The following MFHAS1 variants were observed in gnomAD, a reference collection of about 807,000 sequenced individuals.
The protein encoded by MFHAS1 is malignant fibrous histiocytoma-amplified sequence 1.
A neutral mutation model predicts 70.4 loss-of-function variants in MFHAS1; 50 were observed. The ratio of observed to expected loss-of-function variants is 0.71; its 90% CI spans 0.57 to 0.90. MFHAS1 has a LOEUF of 0.90. Among genes scored for constraint, MFHAS1 ranks in the 40% least tolerant of loss-of-function variants. The probability of loss-of-function intolerance (pLI) is 0.00; values close to 1 mark genes in which losing one functional copy is unlikely to be tolerated. For missense variants in MFHAS1, 1,795 were observed against 1,347.6 expected, an observed-to-expected ratio of 1.33 and a Z score of -5.20; for synonymous variants, 952 against 620.0, an observed-to-expected ratio of 1.54 and a Z score of -7.96.
chr8:8,835,840 T>C lies in MFHAS1; in HGVS notation c.2999-38349A>G, dbSNP rs531635023. On this transcript the variant is annotated intron_variant, in intron 1 of 2. Coordinates refer to ENST00000276282, the MANE Select transcript of MFHAS1 (RefSeq NM_004225.3). Reference sequence around the variant, plus strand: ...ATTTAGAACAAAAGTTGGCAAAACATGGCCCGCTGCCTGTTCTTGTAAATA... The same window carrying C: ...ATTTAGAACAAAAGTTGGCAAAACACGGCCCGCTGCCTGTTCTTGTAAATA... 3.3e-5 allele frequency among the ~76,000 whole-genome samples: 5 copies of C among 152,332 alleles called. No individual in the cohort carries two copies. The South Asian group carries it at 1.0e-3, about 32-fold the overall frequency.
chr8:8,866,299 C>T (rs1358339343), intron 1 of MFHAS1, among the ~76,000 whole-genome samples: 2 of 151,290 alleles, frequency 1.3e-5, no homozygotes, highest in South Asian at 2.1e-4. Context: ...GGCAACTTAG[C>T]AAGGATCACT....
chr8:8,893,354 C>G lies in MFHAS1; in HGVS notation c.-296G>C, dbSNP rs1810176940. ...CCGCGCGCCGCGGAGGATGCCTGCT[C>G]CTCCTCCCTCTCCGCCCGCCGCGCG... On this transcript the variant is annotated 5_prime_UTR_variant, in exon 1 of 3. Transcript: ENST00000276282. 6.8e-6 allele frequency: 1 copy of G among 146,402 alleles called. No homozygotes were observed. Among genetic ancestry groups the G allele is most frequent in the Middle Eastern group, 3.5e-3 (1 of 286 alleles). The allele number at this position is 146,402 out of a possible 1,614,324, so 9.1% of individuals were successfully genotyped here. A position where few individuals can be genotyped will look rare whatever the true frequency, so the allele number is the denominator to read the frequency against.
chr8:8,837,743 G>A (rs752472348), intron 1 of MFHAS1, among the ~76,000 whole-genome samples: 3 of 151,940 alleles, frequency 2.0e-5, no homozygotes, highest in Non-Finnish European at 4.4e-5. Context: ...ACACCCATTA[G>A]GAGGGCTACT....
In MFHAS1 at chr8:8,826,840, C is replaced by T. The variant is rs544506396; in HGVS notation, c.2999-29349G>A. 6.9e-4 allele frequency among the ~76,000 whole-genome samples: 105 copies of T among 152,260 alleles called. 1 individual carries two copies. Among genetic ancestry groups the T allele is most frequent in the African/African-American group, 1.1e-3 (46 of 41,548 alleles). On this transcript the variant is annotated intron_variant, in intron 1 of 2. Transcript: ENST00000276282. ...CCATCAGAAATGCAGATGTGAGGTC[C>T]GGTACAGTGCAGCCATCTTGCTGCC...
chr8:8,826,247 A>AGTATGT (rs1807155857), intron 1 of MFHAS1, among the ~76,000 whole-genome samples: 1 of 147,774 alleles, frequency 6.8e-6, no homozygotes, highest in Admixed American at 6.7e-5. Context: ...AAACACAAAG[A>AGTATGT]GTGTGTGTGT....
intron 1 of MFHAS1, among the ~76,000 whole-genome samples, chr8:8,843,359 A>T (rs1303906626): frequency 6.6e-6 from 1 of 152,104 alleles, no homozygotes; most frequent in African/African-American, 2.4e-5. Flanking sequence ...TCAGGTGGGC[A>T]AATCACTTGA....
At chr8:8,846,481 G>T (rs867572382) in intron 1 of MFHAS1, among the ~76,000 whole-genome samples, 1 of 151,972 alleles carries the variant, frequency 6.6e-6, no homozygotes, top group Admixed American at 6.6e-5. Context: ...TTACCTCCCT[G>T]CCTTCACCCT....
chr8:8,885,798 C>A (rs1216662111), intron 1 of MFHAS1, among the ~76,000 whole-genome samples: 1 of 152,250 alleles, frequency 6.6e-6, no homozygotes, highest in Non-Finnish European at 1.5e-5. Flanking sequence ...CAACCTCCGC[C>A]TCCCAAGTTC....
chr8:8,790,521 A>T, intron 2 of MFHAS1: 2 of 311,444 alleles, frequency 6.4e-6, no homozygotes, highest in Non-Finnish European at 9.4e-6. Context: ...TAGCTTGTTA[A>T]AACAGCAAGG....
intron 1 of MFHAS1, among the ~76,000 whole-genome samples, chr8:8,821,023 G>C (rs1201455872): frequency 2.0e-5 from 3 of 152,188 alleles, no homozygotes; most frequent in East Asian, 1.9e-4. Flanking sequence ...CAACAGAGAT[G>C]ACAGCCTACG....
At chr8:8,882,208 C>T (rs1809552637) in intron 1 of MFHAS1, among the ~76,000 whole-genome samples, 1 of 151,864 alleles carries the variant, frequency 6.6e-6, no homozygotes, top group Non-Finnish European at 1.5e-5. Flanking sequence ...TAGTGAAACC[C>T]CCATCTCTAC....
chr8:8,889,950 T>C, intron 1 of MFHAS1, 111 bp downstream of exon 1: 1 of 901,552 alleles, frequency 1.1e-6, no homozygotes, highest in Non-Finnish European at 1.7e-6. Context: ...TACGAAGCTT[T>C]CCTGGAGAAC....
intron 1 of MFHAS1, chr8:8,822,137 T>C (rs1806979337): frequency 6.6e-6 from 1 of 151,992 alleles, no homozygotes; most frequent in African/African-American, 2.4e-5. Context: ...AATTCCTCTG[T>C]GCGGCAGCAC....
intron 2 of MFHAS1, among the ~76,000 whole-genome samples, chr8:8,792,075 C>G (rs1179333249): frequency 6.6e-6 from 1 of 151,914 alleles, no homozygotes; most frequent in African/African-American, 2.4e-5. Context: ...CTATCTCTAC[C>G]AAAAATACAA....
At chr8:8,800,005 A>G (rs1806031712) in intron 1 of MFHAS1, among the ~76,000 whole-genome samples, 1 of 152,046 alleles carries the variant, frequency 6.6e-6, no homozygotes, top group Admixed American at 6.5e-5. Flanking sequence ...GAACTTGGGA[A>G]CCCACTTCTG....
chr8:8,855,090 C>T (rs1345568882), intron 1 of MFHAS1, among the ~76,000 whole-genome samples: 1 of 152,062 alleles, frequency 6.6e-6, no homozygotes, highest in African/African-American at 2.4e-5. Context: ...GGGTTTGGTT[C>T]TAGGGCCCCC....
intron 1 of MFHAS1, among the ~76,000 whole-genome samples, chr8:8,873,900 T>C (rs1255652844): frequency 1.3e-5 from 2 of 152,234 alleles, no homozygotes; most frequent in Non-Finnish European, 2.9e-5. Context: ...TGTAAACATG[T>C]ACAATTTGTA....
Position 8,785,872 on chromosome 8 carries a change from CAGTCGT to C in MFHAS1, c.*144_*149del. 1.8e-6 allele frequency: 1 copy of C among 545,216 alleles called. No homozygotes were observed. The highest frequency in any genetic ancestry group is 3.4e-6 in the Non-Finnish European group (1 of 292,434). 33.8% of individuals were successfully genotyped at this position (545,216 alleles called of 1,614,324 possible). A position where few individuals can be genotyped will look rare whatever the true frequency, so the allele number is the denominator to read the frequency against. On this transcript the variant is annotated 3_prime_UTR_variant, in exon 3 of 3. Transcript: ENST00000276282. ...CACCACCCCCTCCCCACCTCTTCCC[CAGTCGT>C]CCAAAAAGCACCCTGCAAGCACGCG...
chr8:8,804,292 T>A (rs555114924), intron 1 of MFHAS1, among the ~76,000 whole-genome samples: 15 of 152,336 alleles, frequency 9.8e-5, no homozygotes, highest in Non-Finnish European at 2.2e-4. Flanking sequence ...AGGAATCCAC[T>A]GAGTTCTGGG....
Sources: allele counts gnomAD v4.1 joint callset (sites outside exome capture counted in the v4.1 genomes callset), GRCh38; gene constraint gnomAD v4.1.1; transcripts MANE v1.5; gene names NCBI Gene and HGNC (gene_info 2026-07-23, HGNC 2026-07-21).